The following WIPF1 variants were observed in gnomAD, a reference collection of about 807,000 sequenced individuals.
WIPF1 encodes WAS/WASL-interacting protein family member 1.
WIPF1 carries 13 observed loss-of-function variants against 35.4 expected under a neutral mutation model. The observed-to-expected ratio is 0.37, with a 90% CI of 0.24 to 0.58. The LOEUF is 0.58. Ranked by LOEUF, WIPF1 falls within the 20% of genes least tolerant of loss-of-function variation. The pLI, the probability that WIPF1 is intolerant of heterozygous loss-of-function variation, is 0.74. For synonymous variants in WIPF1, 267 were observed against 266.3 expected (o/e 1.00, Z -0.02); for missense variants, 591 against 667.0 (o/e 0.89, Z 1.25).
chr2:174,574,822 T>C (rs1352736732), intron 4 of WIPF1: 1 of 707,826 alleles, frequency 1.4e-6, no homozygotes. Context: ...CACAAGTATT[T>C]ACTCTACTAG....
chr2:174,560,909 A>C lies in WIPF1; in HGVS notation c.*1638T>G, dbSNP rs1343945214. 2 of 152,628 alleles carry C rather than the reference A, an allele frequency of 1.3e-5. No homozygotes were observed. Among genetic ancestry groups the C allele is most frequent in the African/African-American group, 4.8e-5 (2 of 41,452 alleles). The allele number at this position is 152,628 out of a possible 1,614,324, so 9.5% of individuals were successfully genotyped here. ...GGTTGGTTTCTTGGTAGCATCTCCCAGTAATACATGAATAACATACTGAAA... is the reference window on the plus strand; with the variant it reads ...GGTTGGTTTCTTGGTAGCATCTCCCCGTAATACATGAATAACATACTGAAA... On this transcript the variant is annotated 3_prime_UTR_variant, in exon 8 of 8. Transcript: ENST00000679041.
chr2:174,646,325 C>T (rs1427439034), intron 1 of WIPF1, among the ~76,000 whole-genome samples: 1 of 152,202 alleles, frequency 6.6e-6, no homozygotes, highest in Non-Finnish European at 1.5e-5. Context: ...TAAACAAGTT[C>T]ATATCACTCC....
upstream of WIPF1, among the ~76,000 whole-genome samples, chr2:174,600,346 T>C (rs1385977710): frequency 1.3e-5 from 2 of 152,202 alleles, no homozygotes; most frequent in African/African-American, 4.8e-5. Context: ...AATTAGATAA[T>C]GTTCCTCCCC....
At chr2:174,681,885 C>T (rs866117322) in intron 1 of WIPF1, among the ~76,000 whole-genome samples, 4 of 152,206 alleles carry the variant, frequency 2.6e-5, no homozygotes, top group Non-Finnish European at 5.9e-5. Context: ...AGGCTCAGTT[C>T]CTCACACAGC....
chr2:174,615,271 C>T (rs1042768200), intron 1 of WIPF1, among the ~76,000 whole-genome samples: 11 of 151,930 alleles, frequency 7.2e-5, no homozygotes, highest in Non-Finnish European at 1.2e-4. Flanking sequence ...AAGGATAACT[C>T]CTCCCACTTC....
chr2:174,677,936 T>C (rs753844049), intron 1 of WIPF1, among the ~76,000 whole-genome samples: 3 of 152,234 alleles, frequency 2.0e-5, no homozygotes, highest in Non-Finnish European at 4.4e-5. Flanking sequence ...ATACTAGCTC[T>C]GTCACTAACT....
At chr2:174,624,407 T>C (rs1574843692) in intron 1 of WIPF1, among the ~76,000 whole-genome samples, 1 of 152,282 alleles carries the variant, frequency 6.6e-6, no homozygotes, top group East Asian at 1.9e-4. Flanking sequence ...CCACTGCAGG[T>C]ATTTTTCTTC....
At chr2:174,581,891 T>A (rs1685253215) in intron 2 of WIPF1, among the ~76,000 whole-genome samples, 1 of 152,112 alleles carries the variant, frequency 6.6e-6, no homozygotes, top group Non-Finnish European at 1.5e-5. Flanking sequence ...GCAAAAAGAG[T>A]CAGCTGTATG....
At chr2:174,648,919 A>G (rs1051220836) in intron 1 of WIPF1, among the ~76,000 whole-genome samples, 3 of 152,264 alleles carry the variant, frequency 2.0e-5, no homozygotes, top group African/African-American at 4.8e-5. Flanking sequence ...GAATTCGGTT[A>G]GGAATTCCCA....
intron 1 of WIPF1, among the ~76,000 whole-genome samples, chr2:174,613,140 G>A (rs1366145556): frequency 2.0e-5 from 1 of 50,380 alleles, no homozygotes; most frequent in Non-Finnish European, 3.8e-5. Context: ...TTATGCACAT[G>A]CAGACGTGTA....
chr2:174,568,150 G>T (rs949070351), intron 5 of WIPF1, 77 bp from the exon 6 acceptor site: 2 of 1,461,940 alleles, frequency 1.4e-6, no homozygotes, highest in Non-Finnish European at 1.8e-6. Context: ...GTGTACAGCT[G>T]ATGAGGACTT....
chr2:174,660,831 G>T (rs1219959999), intron 1 of WIPF1, among the ~76,000 whole-genome samples: 1 of 152,220 alleles, frequency 6.6e-6, no homozygotes, highest in Admixed American at 6.5e-5. Flanking sequence ...CACTCTCACA[G>T]CATTGTCAAG....
intron 1 of WIPF1, among the ~76,000 whole-genome samples, chr2:174,621,256 A>C (rs1231150818): frequency 6.6e-6 from 1 of 152,168 alleles, no homozygotes; most frequent in Non-Finnish European, 1.5e-5. Context: ...AAATAATAAG[A>C]CATAGAGACT....
At chr2:174,617,334 CT>C (rs1329536996) in intron 1 of WIPF1, among the ~76,000 whole-genome samples, 3 of 152,274 alleles carry the variant, frequency 2.0e-5, no homozygotes, top group Admixed American at 2.0e-4. Context: ...GGTTAGAATA[CT>C]TTGTGTTCAA....
chr2:174,626,938 TG>T lies in WIPF1; in HGVS notation c.-38-41328del, dbSNP rs371988436. Among the ~76,000 whole-genome samples the T allele has an allele frequency of 2.7e-3, 404 of 152,262 alleles. 4 individuals carry two copies. The highest frequency in any genetic ancestry group is 5.6e-3 in the South Asian group (27 of 4,820). On this transcript the variant is annotated intron_variant, in intron 1 of 8. Coordinates refer to the WIPF1 transcript ENST00000272746. ...AAATCCTCCCCTCACTCCCAGACTC[TG>T]GGGGGAAAGCCAGAGTCCTACCATG... is the stretch of plus-strand genomic sequence containing the variant.
chr2:174,642,343 C>CTTTTTT (rs780884199), intron 1 of WIPF1, among the ~76,000 whole-genome samples: 73 of 102,796 alleles, frequency 7.1e-4, no homozygotes, highest in African/African-American at 2.3e-3. Context: ...CTTCCTCCAC[C>CTTTTTT]TTTTTTTTTT....
chr2:174,575,292 TCCACCGCCTCCG>T lies in WIPF1; in HGVS notation c.258_269del (p.Gly87_Gly90del), dbSNP rs753614156. 32 of 1,613,414 alleles carry T rather than the reference TCCACCGCCTCCG, an allele frequency of 2.0e-5. No individual in the cohort carries two copies. The highest frequency in any genetic ancestry group is 1.1e-5 in the South Asian group (1 of 91,058). On this transcript the variant is annotated inframe_deletion, in exon 4 of 8. Coordinates refer to ENST00000679041, the MANE Select transcript of WIPF1 (RefSeq NM_001375834.1). The stretch of plus-strand genomic sequence containing the variant: ...CTGGAGGTCCGCCCCCTCCAAAACT[TCCACCGCCTCCG>T]CCACCACCTCCTCCGCCAAATCCGC...
intron 1 of WIPF1, among the ~76,000 whole-genome samples, chr2:174,606,812 T>C (rs556475622): frequency 1.3e-5 from 2 of 152,326 alleles, no homozygotes; most frequent in South Asian, 4.1e-4. Flanking sequence ...AAAGAAGTTT[T>C]AAATTAAGGG....
chr2:174,638,275 T>C (rs754443929), intron 1 of WIPF1, among the ~76,000 whole-genome samples: 1 of 152,224 alleles, frequency 6.6e-6, no homozygotes, highest in South Asian at 2.1e-4. Context: ...ATTTTTTAAA[T>C]TGACATTGTA....
Sources: allele counts gnomAD v4.1 joint callset (sites outside exome capture counted in the v4.1 genomes callset), GRCh38; gene constraint gnomAD v4.1.1; transcripts MANE v1.5; gene names NCBI Gene and HGNC (gene_info 2026-07-23, HGNC 2026-07-21).